The following PTPRD variants were observed in gnomAD, a reference collection of about 807,000 sequenced individuals.
The protein encoded by PTPRD is receptor-type tyrosine-protein phosphatase delta.
Under a neutral mutation model 214.5 loss-of-function variants are expected in PTPRD, and 34 were observed. That is an observed-to-expected ratio of 0.16 (90% confidence interval 0.12 to 0.21). The LOEUF (loss-of-function observed/expected upper bound fraction) is 0.21. Among genes scored for constraint, PTPRD ranks in the 10% least tolerant of loss-of-function variants. The pLI, the probability that PTPRD is intolerant of heterozygous loss-of-function variation, is 1.00. For missense variants in PTPRD, 2,545 were observed against 2,398.7 expected (o/e 1.06, Z -1.27); for synonymous variants, 1,128 against 845.7 (o/e 1.33, Z -5.79).
In PTPRD at chr9:9,686,557, C is replaced by A. The variant is rs191172636; in HGVS notation, c.-287+47976G>T. 1.1e-4 allele frequency among the ~76,000 whole-genome samples: 17 copies of A among 151,500 alleles called. No individual in the cohort carries two copies. The East Asian group carries it at 3.1e-3, about 28-fold the overall frequency. ...TGACAGAAGTCCAAACAGTGGTCAC[C>A]TTTGTGGTGGCTAATAGGAAGGCAG... On this transcript the variant is annotated intron_variant, in intron 7 of 45. Coordinates refer to ENST00000381196, the MANE Select transcript of PTPRD (RefSeq NM_002839.4).
intron 3 of PTPRD, among the ~76,000 whole-genome samples, chr9:10,261,889 AC>A: frequency 6.6e-6 from 1 of 152,242 alleles, no homozygotes; most frequent in South Asian, 2.1e-4. Flanking sequence ...GAATAAAGAA[AC>A]AAGCTTCACC....
At chr9:9,007,777 G>T in intron 11 of PTPRD, among the ~76,000 whole-genome samples, 1 of 138,386 alleles carries the variant, frequency 7.2e-6, no homozygotes, top group African/African-American at 2.6e-5. Context: ...GGTTGCTTAA[G>T]CATATCTTTC....
intron 3 of PTPRD, among the ~76,000 whole-genome samples, chr9:10,297,208 T>C (rs1007793152): frequency 7.3e-5 from 11 of 151,202 alleles, no homozygotes; most frequent in South Asian, 6.2e-4. Flanking sequence ...ACATGTGCCA[T>C]GTTGTGTGCT....
At chr9:8,414,611 C>G (rs1041456545) in intron 35 of PTPRD, among the ~76,000 whole-genome samples, 2 of 144,672 alleles carry the variant, frequency 1.4e-5, no homozygotes, top group African/African-American at 4.9e-5. Flanking sequence ...GAATGGAGCT[C>G]TACAATAGGC....
At chr9:8,820,727 CCACACACA>C (rs141466292) in intron 11 of PTPRD, among the ~76,000 whole-genome samples, 1 of 150,688 alleles carries the variant, frequency 6.6e-6, no homozygotes, top group Non-Finnish European at 1.5e-5. Context: ...ATACTACACA[CCACACACA>C]CACACACACT....
At chr9:9,796,549 T>C (rs958925393) in intron 5 of PTPRD, among the ~76,000 whole-genome samples, 1 of 152,138 alleles carries the variant, frequency 6.6e-6, no homozygotes, top group Non-Finnish European at 1.5e-5. Flanking sequence ...GGAGGGACTT[T>C]TCAGTTGGAA....
Position 8,667,968 on chromosome 9 carries a change from A to G in PTPRD, c.65-31124T>C, listed in dbSNP as rs374298491. Among the ~76,000 whole-genome samples the G allele has an allele frequency of 3.7e-4, 57 of 152,244 alleles. 1 individual carries two copies. In the South Asian group the frequency reaches 9.1e-3, roughly 24 times the overall value. ...AGTAAAAAATAATAAAAATAAAATAAAAACTAAGAAGAAATAAAATATACA... is the reference window on the plus strand; with the variant it reads ...AGTAAAAAATAATAAAAATAAAATAGAAACTAAGAAGAAATAAAATATACA... On this transcript the variant is annotated intron_variant, in intron 12 of 45. Coordinates refer to ENST00000381196, the MANE Select transcript of PTPRD (RefSeq NM_002839.4).
intron 7 of PTPRD, among the ~76,000 whole-genome samples, chr9:9,655,851 G>A (rs1029003295): frequency 6.6e-6 from 1 of 151,978 alleles, no homozygotes. Context: ...GGTGGGAGGT[G>A]CCTGTAATCC....
intron 10 of PTPRD, among the ~76,000 whole-genome samples, chr9:9,034,226 C>T (rs1183961941): frequency 6.6e-6 from 1 of 152,126 alleles, no homozygotes. Context: ...TAGGTGAATC[C>T]TGGAACCTCT....
At chr9:10,431,030 C>A (rs1334171097) in intron 2 of PTPRD, among the ~76,000 whole-genome samples, 2 of 151,930 alleles carry the variant, frequency 1.3e-5, no homozygotes, top group African/African-American at 2.4e-5. Flanking sequence ...ACACAGTAAG[C>A]TAGTTAGAAG....
chr9:10,469,306 T>A (rs1392256494), intron 2 of PTPRD, among the ~76,000 whole-genome samples: 1 of 152,188 alleles, frequency 6.6e-6, no homozygotes, highest in African/African-American at 2.4e-5. Context: ...AAAGTCAGCA[T>A]TTATAAAAGT....
intron 8 of PTPRD, among the ~76,000 whole-genome samples, chr9:9,490,194 T>C (rs1263049687): frequency 6.6e-6 from 1 of 152,072 alleles, no homozygotes; most frequent in Non-Finnish European, 1.5e-5. Flanking sequence ...ATTAAGACAT[T>C]CACAGATAAA....
At chr9:8,499,516 T>C in intron 25 of PTPRD, 131 bp downstream of exon 25, 1 of 839,714 alleles carries the variant, frequency 1.2e-6, no homozygotes, top group South Asian at 1.9e-5. Flanking sequence ...TATACATCAA[T>C]GTGAAATGAA....
chr9:10,227,141 T>C (rs2099591510), intron 3 of PTPRD, among the ~76,000 whole-genome samples: 2 of 151,998 alleles, frequency 1.3e-5, no homozygotes, highest in Non-Finnish European at 2.9e-5. Flanking sequence ...ATATTGTAGC[T>C]TGTCAAAGCT....
chr9:9,851,197 T>C (rs904299375), intron 5 of PTPRD, among the ~76,000 whole-genome samples: 2 of 152,188 alleles, frequency 1.3e-5, no homozygotes, highest in East Asian at 3.8e-4. Flanking sequence ...AGAAATAATA[T>C]AAGCAAAAGT....
intron 11 of PTPRD, among the ~76,000 whole-genome samples, chr9:8,909,553 C>T (rs2098732508): frequency 6.6e-6 from 1 of 152,068 alleles, no homozygotes; most frequent in Non-Finnish European, 1.5e-5. Flanking sequence ...ACACCCATTC[C>T]AGATACAAAC....
Position 9,549,203 on chromosome 9 carries a change from G to T in PTPRD, c.-237+25529C>A, listed in dbSNP as rs1270517073. On this transcript the variant is annotated intron_variant, in intron 8 of 45. Coordinates refer to ENST00000381196, the MANE Select transcript of PTPRD (RefSeq NM_002839.4). ...AAAATTCACCTTATCAAAAGACATT[G>T]TAAAAAATAAGCAGCCACAGGTTAG... Among the ~76,000 whole-genome samples the T allele has an allele frequency of 1.3e-5, 2 of 151,964 alleles. 1 individual carries two copies. The highest frequency in any genetic ancestry group is 4.1e-4 in the South Asian group (2 of 4,824).
At chr9:8,630,121 C>G (rs1299152369) in intron 14 of PTPRD, among the ~76,000 whole-genome samples, 1 of 151,778 alleles carries the variant, frequency 6.6e-6, no homozygotes, top group Non-Finnish European at 1.5e-5. Flanking sequence ...TAAAGCCCAT[C>G]ATGAGAGCTG....
chr9:8,491,191 A>T (rs1045072186), intron 27 of PTPRD, among the ~76,000 whole-genome samples: 2 of 152,348 alleles, frequency 1.3e-5, no homozygotes, highest in Admixed American at 1.3e-4. Flanking sequence ...AGCATTTTCT[A>T]TCTCAATACC....
Sources: gnomAD v4.1 joint callset for allele counts (sites outside exome capture counted in the v4.1 genomes callset) on GRCh38, gnomAD v4.1.1 for gene constraint, MANE v1.5 for transcripts, NCBI Gene and HGNC (gene_info 2026-07-23, HGNC 2026-07-21) for gene names.